The following NDUFA10 variants were observed in gnomAD, a reference collection of about 807,000 sequenced individuals.
NDUFA10 encodes the protein NADH:ubiquinone oxidoreductase subunit A10.
In NDUFA10, 40 loss-of-function variants were observed where a neutral mutation model predicts 47.8. The observed-to-expected ratio is 0.84, with a 90% CI of 0.65 to 1.09. The LOEUF (loss-of-function observed/expected upper bound fraction) is 1.09, where lower values mean the gene tolerates loss of function less well. Among genes scored for constraint, NDUFA10 ranks in the 50% least tolerant of loss-of-function variants. NDUFA10 has a pLI of 0.00. For synonymous variants in NDUFA10, 183 were observed against 172.2 expected, an observed-to-expected ratio of 1.06 and a Z score of -0.49; for missense variants, 413 against 451.1, an observed-to-expected ratio of 0.92 and a Z score of 0.76.
At position 239,987,610 on chromosome 2, in the gene NDUFA10, T is replaced by C. The variant is rs773959709; in HGVS notation, c.999+2464A>G. Among the ~76,000 whole-genome samples the C allele has an allele frequency of 7.2e-5, 11 of 151,990 alleles. No homozygotes were observed. Among genetic ancestry groups the C allele is most frequent in the Non-Finnish European group, 1.3e-4 (9 of 67,920 alleles). On this transcript the variant is annotated intron_variant, in intron 9 of 9. Transcript: ENST00000252711. This position sits in a 1 kb window ranked among gnomAD's most constrained non-coding sequence, Gnocchi z 4.8. ...AAAAACAAATAGGTAAAAATGATGA[T>C]CAAATAAAGACCATTTTAAAAAATA...
In NDUFA10 at chr2:239,991,052, T is replaced by C. The variant is rs150780807; in HGVS notation, c.891-870A>G. ...ATGGCTCAAATGGAAATTATGTGAG[T>C]GTATCTGGCTCTCGGCCAGACTTTG... On this transcript the variant is annotated intron_variant, in intron 8 of 9. Coordinates refer to ENST00000252711, the MANE Select transcript of NDUFA10 (RefSeq NM_004544.4). Among the ~76,000 whole-genome samples the C allele has an allele frequency of 5.9e-5, 9 of 152,188 alleles. No individual in the cohort carries two copies. The East Asian group carries it at 1.7e-3, about 29-fold the overall frequency.
At chr2:240,010,766 T>C (rs1433242489) in intron 6 of NDUFA10, among the ~76,000 whole-genome samples, 1 of 152,192 alleles carries the variant, frequency 6.6e-6, no homozygotes, top group African/African-American at 2.4e-5. Flanking sequence ...TCTAACAATA[T>C]TATCTTCTAA....
intron 4 of NDUFA10, among the ~76,000 whole-genome samples, chr2:239,919,702 T>G: frequency 6.6e-6 from 1 of 152,178 alleles, no homozygotes; most frequent in East Asian, 1.9e-4. Flanking sequence ...TCAGAAAACC[T>G]GACACACAAA....
chr2:239,963,323 A>AT (rs1376662713), intron 9 of NDUFA10, among the ~76,000 whole-genome samples: 1 of 152,188 alleles, frequency 6.6e-6, no homozygotes, highest in African/African-American at 2.4e-5. Context: ...AGGCGTCAGG[A>AT]GAGTGAGGGA....
chr2:240,015,572 C>A (rs751804974), intron 4 of NDUFA10, among the ~76,000 whole-genome samples: 8 of 152,250 alleles, frequency 5.3e-5, no homozygotes, highest in Non-Finnish European at 1.2e-4. Flanking sequence ...TTGAAAGCAG[C>A]TAAGGCTGAG....
intron 9 of NDUFA10, among the ~76,000 whole-genome samples, chr2:239,968,235 G>C (rs1695162017): frequency 6.6e-6 from 1 of 152,224 alleles, no homozygotes; most frequent in African/African-American, 2.4e-5. Flanking sequence ...GGTGCAGACA[G>C]CATGCGGATC....
At position 239,959,634 on chromosome 2, in the gene NDUFA10, G is replaced by A. The variant is rs1694766405; in HGVS notation, c.*1484C>T. ...TTCTTAAAACAAGGAAGGAGGCAGG[G>A]AGGAAGGGAAGGGAGGAAAACAAGG... On this transcript the variant is annotated 3_prime_UTR_variant, in exon 10 of 10. Coordinates refer to ENST00000252711, the MANE Select transcript of NDUFA10 (RefSeq NM_004544.4). 2.0e-6 allele frequency: 2 copies of A among 985,956 alleles called. No homozygotes were observed. The highest frequency in any genetic ancestry group is 1.7e-5 in the African/African-American group (1 of 57,162). The allele number at this position is 985,956 out of a possible 1,614,324, so 61.1% of individuals were successfully genotyped here.
intron 9 of NDUFA10, among the ~76,000 whole-genome samples, chr2:239,985,453 A>ATG (rs1695960501): frequency 6.6e-6 from 1 of 152,052 alleles, no homozygotes; most frequent in Non-Finnish European, 1.5e-5. Flanking sequence ...TTAGAAGAAC[A>ATG]CATCTAGGCT....
chr2:240,007,506 C>T, intron 6 of NDUFA10, 136 bp from the exon 7 acceptor site: 1 of 698,546 alleles, frequency 1.4e-6, no homozygotes, highest in Non-Finnish European at 2.6e-6. Flanking sequence ...TTGTGCTGGG[C>T]ATGTGAGGGT....
chr2:239,993,242 T>C (rs146679549), intron 8 of NDUFA10, among the ~76,000 whole-genome samples: 2 of 152,358 alleles, frequency 1.3e-5, no homozygotes, highest in Non-Finnish European at 2.9e-5. Context: ...ATGACACTGT[T>C]ACCACAGGGA....
intron 9 of NDUFA10, among the ~76,000 whole-genome samples, chr2:239,985,098 AC>A (rs1695945778): frequency 1.3e-5 from 2 of 152,180 alleles, no homozygotes; most frequent in Non-Finnish European, 2.9e-5. Flanking sequence ...CAAAGTCTCC[AC>A]AAAAAATGAC....
intron 4 of NDUFA10, among the ~76,000 whole-genome samples, chr2:239,949,044 T>G (rs984763894): frequency 7.9e-5 from 12 of 152,174 alleles, no homozygotes; most frequent in Non-Finnish European, 1.5e-4. Context: ...GCAGGCTTTC[T>G]CATTGCTTTA....
chr2:239,934,683 C>T (rs1364227374), intron 4 of NDUFA10, among the ~76,000 whole-genome samples: 1 of 152,140 alleles, frequency 6.6e-6, no homozygotes, highest in Non-Finnish European at 1.5e-5. Context: ...CGGTAGAGGG[C>T]GCTGGACCTC....
Position 239,960,338 on chromosome 2 carries a change from T to C in NDUFA10, c.*780A>G. 1 of 985,622 alleles carries C rather than the reference T, an allele frequency of 1.0e-6. No individual in the cohort carries two copies. Among genetic ancestry groups the C allele is most frequent in the Non-Finnish European group, 1.2e-6 (1 of 830,056 alleles). 61.1% of individuals were successfully genotyped at this position (985,622 alleles called of 1,614,324 possible). A position where few individuals can be genotyped will look rare whatever the true frequency, so the allele number is the denominator to read the frequency against. Reference sequence around the variant, plus strand: ...AAGAAATCTGATTTTCTTTCTCATTTCTCAGTTTTGACTGGCAACTTGATT... The same window carrying C: ...AAGAAATCTGATTTTCTTTCTCATTCCTCAGTTTTGACTGGCAACTTGATT... On this transcript the variant is annotated 3_prime_UTR_variant, in exon 10 of 10. Transcript: ENST00000252711.
chr2:239,980,028 C>T (rs1695707392), intron 9 of NDUFA10, among the ~76,000 whole-genome samples: 1 of 152,140 alleles, frequency 6.6e-6, no homozygotes, highest in Admixed American at 6.5e-5. Flanking sequence ...TACACCCCCA[C>T]ATCCCTCAGT....
At chr2:239,969,302 G>A (rs1471415355) in intron 9 of NDUFA10, 1 of 168,566 alleles carries the variant, frequency 5.9e-6, no homozygotes. Context: ...GCACCAAACA[G>A]AATTTCTAGA....
chr2:240,006,684 T>C (rs1033599910), intron 7 of NDUFA10, among the ~76,000 whole-genome samples: 5 of 152,242 alleles, frequency 3.3e-5, no homozygotes, highest in African/African-American at 1.2e-4. Context: ...ACAATTTTCC[T>C]CTACTTCATT....
At chr2:239,923,848 C>A (rs1319742078) in intron 4 of NDUFA10, among the ~76,000 whole-genome samples, 4 of 151,942 alleles carry the variant, frequency 2.6e-5, no homozygotes, top group Non-Finnish European at 5.9e-5. Flanking sequence ...AATTAATAAA[C>A]CTCTAGCAAG....
chr2:239,964,739 C>T (rs958829388), intron 9 of NDUFA10, among the ~76,000 whole-genome samples: 4 of 152,178 alleles, frequency 2.6e-5, no homozygotes, highest in African/African-American at 7.2e-5. Flanking sequence ...CACTCAAACA[C>T]GACTGCCGCA....
Sources: gnomAD v4.1 joint callset for allele counts (sites outside exome capture counted in the v4.1 genomes callset) on GRCh38, gnomAD v4.1.1 for gene constraint, Gnocchi (gnomAD v3.1) non-coding constraint, MANE v1.5 for transcripts, NCBI Gene and HGNC (gene_info 2026-07-23, HGNC 2026-07-21) for gene names.